LRRN2: variants seen among roughly 807,000 people sequenced by gnomAD.
LRRN2 encodes the protein leucine-rich repeat neuronal protein 2.
LRRN2 carries 10 observed loss-of-function variants against 35.7 expected under a neutral mutation model. The observed-to-expected ratio is 0.28, with a 90% CI of 0.17 to 0.47. The LOEUF is 0.47. Ranked by LOEUF, LRRN2 falls within the 20% of genes least tolerant of loss-of-function variation. The pLI, the probability that LRRN2 is intolerant of heterozygous loss-of-function variation, is 0.99. For missense variants in LRRN2, 731 were observed against 940.3 expected (o/e 0.78, Z 2.91); for synonymous variants, 391 against 409.6 (o/e 0.95, Z 0.55).
In LRRN2 at chr1:204,673,025, C is replaced by G. The variant is rs79990228; in HGVS notation, c.-227+12295G>C. ...CGTAAGATCCACATACATGGTTGAC[C>G]GAGGGCCACCCCCTCTCTGCTACTA... On this transcript the variant is annotated intron_variant, in intron 1 of 1. Coordinates refer to ENST00000367177, the MANE Select transcript of LRRN2 (RefSeq NM_201630.2). 1.7e-4 allele frequency among the ~76,000 whole-genome samples: 26 copies of G among 152,220 alleles called. 1 individual carries two copies. Among genetic ancestry groups the G allele is most frequent in the African/African-American group, 6.0e-4 (25 of 41,514 alleles).
chr1:204,631,256 C>CATATATATA (rs1282306008), intron 1 of LRRN2, among the ~76,000 whole-genome samples: 1 of 36,910 alleles, frequency 2.7e-5, no homozygotes, highest in African/African-American at 9.6e-5. Context: ...CTAGAGTGTT[C>CATATATATA]TATATATATA....
intron 1 of LRRN2, among the ~76,000 whole-genome samples, chr1:204,673,025 CG>C (rs1668746267): frequency 6.6e-6 from 1 of 152,102 alleles, no homozygotes; most frequent in Admixed American, 6.5e-5. Context: ...CATGGTTGAC[CG>C]AGGGCCACCC....
intron 1 of LRRN2, among the ~76,000 whole-genome samples, chr1:204,684,922 C>T (rs1254674627): frequency 6.6e-6 from 1 of 152,206 alleles, no homozygotes; most frequent in African/African-American, 2.4e-5. Context: ...TCCCTAACCT[C>T]ACTGCCACCT....
intron 1 of LRRN2, among the ~76,000 whole-genome samples, chr1:204,650,084 G>A (rs909195160): frequency 3.3e-5 from 5 of 152,204 alleles, no homozygotes; most frequent in African/African-American, 1.2e-4. Context: ...TGCCCAGCCT[G>A]GCCCTGGGCC....
At chr1:204,680,799 G>A (rs1018085422) in intron 1 of LRRN2, among the ~76,000 whole-genome samples, 2 of 152,136 alleles carry the variant, frequency 1.3e-5, no homozygotes, top group Admixed American at 6.5e-5. Context: ...TACACACCCT[G>A]GTATCTTTTC....
At chr1:204,671,395 T>TTTTGTGTGTG (rs1553350476) in intron 1 of LRRN2, among the ~76,000 whole-genome samples, 5 of 141,434 alleles carry the variant, frequency 3.5e-5, no homozygotes, top group Non-Finnish European at 6.0e-5. Context: ...AGCAATCTGT[T>TTTTGTGTGTG]TGTGTGTTTG....
intron 1 of LRRN2, among the ~76,000 whole-genome samples, chr1:204,640,225 G>A (rs1469536737): frequency 6.6e-6 from 1 of 152,156 alleles, no homozygotes; most frequent in Admixed American, 6.6e-5. Context: ...TCTTCTCACT[G>A]TGTCCTCACA....
At chr1:204,661,806 C>T (rs1263479879) in intron 1 of LRRN2, among the ~76,000 whole-genome samples, 11 of 152,134 alleles carry the variant, frequency 7.2e-5, no homozygotes, top group South Asian at 2.1e-4. Context: ...TAGCAGGAAA[C>T]GAGGGGCTGC....
chr1:204,678,297 C>T lies in LRRN2; in HGVS notation c.-227+7023G>A, dbSNP rs1210830745. 2.0e-5 allele frequency among the ~76,000 whole-genome samples: 3 copies of T among 152,126 alleles called. No individual in the cohort carries two copies. In the East Asian group the frequency reaches 5.8e-4, roughly 29 times the overall value. The stretch of plus-strand genomic sequence containing the variant: ...TGCTTTTTTATTTCCTTCCCAACCT[C>T]ACACCCCACACTGCCTAGGACAGTG... On this transcript the variant is annotated intron_variant, in intron 1 of 1. Coordinates refer to ENST00000367177, the MANE Select transcript of LRRN2 (RefSeq NM_201630.2).
At chr1:204,653,784 C>T (rs566218992) in intron 1 of LRRN2, among the ~76,000 whole-genome samples, 1 of 151,816 alleles carries the variant, frequency 6.6e-6, no homozygotes, top group South Asian at 2.1e-4. Flanking sequence ...ATCACTTGAG[C>T]CCTGTAGGTC....
chr1:204,668,542 C>G (rs1668637496), intron 1 of LRRN2, among the ~76,000 whole-genome samples: 1 of 152,110 alleles, frequency 6.6e-6, no homozygotes, highest in South Asian at 2.1e-4. Context: ...TTGCAGTGAG[C>G]CAAGATCACG....
intron 1 of LRRN2, among the ~76,000 whole-genome samples, chr1:204,670,537 C>A (rs767237904): frequency 2.0e-5 from 3 of 152,006 alleles, no homozygotes; most frequent in Admixed American, 2.0e-4. Flanking sequence ...TGGATGACAA[C>A]GGAAGCCGTT....
chr1:204,674,438 G>A (rs1289700577), intron 1 of LRRN2, among the ~76,000 whole-genome samples: 1 of 152,194 alleles, frequency 6.6e-6, no homozygotes, highest in Non-Finnish European at 1.5e-5. Context: ...CGGGGAGCTG[G>A]CAGCCCTGGG....
intron 1 of LRRN2, among the ~76,000 whole-genome samples, chr1:204,644,602 C>CA (rs1668059937): frequency 6.6e-6 from 1 of 152,186 alleles, no homozygotes; most frequent in Non-Finnish European, 1.5e-5. Context: ...TTGTCATCTC[C>CA]TTTGTGACAC....
In LRRN2 at chr1:204,619,437, C is replaced by G; in HGVS notation, c.556G>C (p.Glu186Gln). The G allele has an allele frequency of 6.2e-7, 1 of 1,614,250 alleles. No individual in the cohort carries two copies. The highest frequency in any genetic ancestry group is 8.5e-7 in the Non-Finnish European group (1 of 1,180,044). ...LLRAIDSRWF[E>Q]MLPNLEILMI... ...AGTATCTCCAAGTTGGGCAGCATTT[C>G]AAACCAGCGGCTGTCAATGGCCCTC... The change falls in exon 2 of 2, where the codon GAA becomes CAA. Residue 186 changes from glutamate (E) to glutamine (Q), a missense_variant. By Grantham distance (29) the Glu-to-Gln change is conservative (BLOSUM62 2). This residue lies in a region of LRRN2 where 246 missense variants were observed against 289.5 expected (regional missense o/e 0.85). Coordinates refer to ENST00000367177, the MANE Select transcript of LRRN2 (RefSeq NM_201630.2).
chr1:204,618,941 T>A lies in LRRN2; in HGVS notation c.1052A>T (p.His351Leu). 1 of 1,614,016 alleles carries A rather than the reference T, an allele frequency of 6.2e-7. No homozygotes were observed. The highest frequency in any genetic ancestry group is 8.5e-7 in the Non-Finnish European group (1 of 1,179,968). Reference sequence around the variant, plus strand: ...GGGCAGGGACTCCACCGTCTGCTGGTGCAAGGCACTGAGAGCGTTGTTGTT... The same window carrying A: ...GGGCAGGGACTCCACCGTCTGCTGGAGCAAGGCACTGAGAGCGTTGTTGTT... ...MLNNNALSAL[H>L]QQTVESLPNL... The change falls in exon 2 of 2, where the codon CAC becomes CTC. Residue 351 changes from histidine (H) to leucine (L), a missense_variant. Physicochemically the swap from His to Leu is moderately conservative, Grantham distance 99 (BLOSUM62 -3). Coordinates refer to ENST00000367177, the MANE Select transcript of LRRN2 (RefSeq NM_201630.2).
chr1:204,657,298 C>A (rs534097601), intron 1 of LRRN2, among the ~76,000 whole-genome samples: 92 of 150,066 alleles, frequency 6.1e-4, no homozygotes, highest in Non-Finnish European at 1.1e-3. Context: ...CAGTGAGACC[C>A]CATCTCAAAA....
intron 1 of LRRN2, among the ~76,000 whole-genome samples, chr1:204,668,537 G>T (rs1369235756): frequency 1.3e-5 from 2 of 152,192 alleles, no homozygotes; most frequent in African/African-American, 4.8e-5. Flanking sequence ...AGAGGTTGCA[G>T]TGAGCCAAGA....
At chr1:204,679,673 C>G (rs886122943) in intron 1 of LRRN2, among the ~76,000 whole-genome samples, 1 of 152,240 alleles carries the variant, frequency 6.6e-6, no homozygotes, top group Non-Finnish European at 1.5e-5. Context: ...TTCCCCATCT[C>G]TCTCCACCTT....
Sources: allele counts gnomAD v4.1 joint callset (sites outside exome capture counted in the v4.1 genomes callset), GRCh38; gene constraint gnomAD v4.1.1; regional missense constraint gnomAD v4.1.1; transcripts MANE v1.5; gene names NCBI Gene and HGNC (gene_info 2026-07-23, HGNC 2026-07-21).